FARS2: variants seen among roughly 807,000 people sequenced by gnomAD.
FARS2 encodes the protein phenylalanyl-tRNA synthetase 2, mitochondrial, also known as phenylalanine--tRNA ligase, mitochondrial.
In FARS2, 40 loss-of-function variants were observed where a neutral mutation model predicts 46.4. That is an observed-to-expected ratio of 0.86 (90% confidence interval 0.67 to 1.12). The LOEUF is 1.12. FARS2 is among the 50% of genes most tolerant of loss of function. The pLI is 0.00. For missense variants in FARS2, 513 were observed against 567.9 expected (o/e 0.90, Z 0.98); for synonymous variants, 234 against 214.9 (o/e 1.09, Z -0.78).
intron 1 of FARS2, among the ~76,000 whole-genome samples, chr6:5,333,638 G>A (rs910159523): frequency 2.0e-5 from 3 of 152,180 alleles, no homozygotes; most frequent in Admixed American, 6.5e-5. Flanking sequence ...AGGCAGGCAG[G>A]TGTCTTTCTG....
chr6:5,500,056 TG>T (rs1767699232), intron 4 of FARS2, among the ~76,000 whole-genome samples: 1 of 152,210 alleles, frequency 6.6e-6, no homozygotes, highest in Admixed American at 6.5e-5. Context: ...CCTTTCCAAA[TG>T]TGTTGTTTTA....
intron 4 of FARS2, among the ~76,000 whole-genome samples, chr6:5,475,097 A>G (rs1226013081): frequency 6.6e-6 from 1 of 152,200 alleles, no homozygotes; most frequent in Admixed American, 6.5e-5. Flanking sequence ...CACAAGAGGA[A>G]AACTAAATGA....
chr6:5,607,518 ATAGAT>A (rs1156589421), intron 5 of FARS2, among the ~76,000 whole-genome samples: 1 of 152,118 alleles, frequency 6.6e-6, no homozygotes, highest in African/African-American at 2.4e-5. Context: ...GTGAATATAA[ATAGAT>A]TAAAGTGACC....
In FARS2 at chr6:5,545,686, A is replaced by C. The variant is rs563902729; in HGVS notation, c.1065+346A>C. The stretch of plus-strand genomic sequence containing the variant: ...CATGTGTTCTCATTGTTCAACTCCA[A>C]CTTATGAGTGAGAACATGTGGTGTC... On this transcript the variant is annotated intron_variant, in intron 5 of 6. Transcript: ENST00000274680. Among the ~76,000 whole-genome samples, 7 of 152,062 alleles carry C rather than the reference A, an allele frequency of 4.6e-5. No homozygotes were observed. The South Asian group carries it at 1.5e-3, about 32-fold the overall frequency.
At chr6:5,657,104 A>T (rs903376143) in intron 6 of FARS2, among the ~76,000 whole-genome samples, 1 of 152,222 alleles carries the variant, frequency 6.6e-6, no homozygotes, top group African/African-American at 2.4e-5. Flanking sequence ...ATACATATGT[A>T]TCACAATATG....
At chr6:5,431,270 A>T in intron 4 of FARS2, 98 bp downstream of exon 4, 2 of 1,238,430 alleles carry the variant, frequency 1.6e-6, no homozygotes, top group Non-Finnish European at 2.3e-6. Flanking sequence ...ACATACTTCT[A>T]TGCGGGCAGC....
chr6:5,677,444 G>A (rs75815604), intron 6 of FARS2, among the ~76,000 whole-genome samples: 2,667 of 152,262 alleles, frequency 0.018, 68 homozygotes, highest in African/African-American at 0.058. Context: ...ATGAACCAGC[G>A]TAATCAAATT....
intron 6 of FARS2, among the ~76,000 whole-genome samples, chr6:5,629,062 G>T (rs901706844): frequency 1.6e-4 from 24 of 152,202 alleles, no homozygotes; most frequent in Non-Finnish European, 2.5e-4. Flanking sequence ...TAGAACGGCT[G>T]AAAATCAGCA....
At chr6:5,352,701 G>A (rs535459555) in intron 1 of FARS2, among the ~76,000 whole-genome samples, 3 of 151,902 alleles carry the variant, frequency 2.0e-5, no homozygotes, top group East Asian at 1.9e-4. Flanking sequence ...ATACTTGCTC[G>A]ACTAGCCTTG....
chr6:5,298,022 G>T (rs1184739425), intron 1 of FARS2, among the ~76,000 whole-genome samples: 1 of 152,246 alleles, frequency 6.6e-6, no homozygotes, highest in African/African-American at 2.4e-5. Flanking sequence ...TAAACACTGA[G>T]GACTTTGAAC....
At position 5,471,263 on chromosome 6, in the gene FARS2, G is replaced by A. The variant is rs1286094272; in HGVS notation, c.904+40091G>A. On this transcript the variant is annotated intron_variant, in intron 4 of 6. Coordinates refer to ENST00000274680, the MANE Select transcript of FARS2 (RefSeq NM_006567.5). This position sits in a 1 kb window ranked among gnomAD's most constrained non-coding sequence, Gnocchi z 4.1. ...TAAGTCTTGCCGAGGCCTTGTTAGTGATCCGGTGCTAAGCGCCTAAAATAA... is the reference window on the plus strand; with the variant it reads ...TAAGTCTTGCCGAGGCCTTGTTAGTAATCCGGTGCTAAGCGCCTAAAATAA... Among the ~76,000 whole-genome samples, 1 of 152,278 alleles carries A rather than the reference G, an allele frequency of 6.6e-6. No homozygotes were observed. Among genetic ancestry groups the A allele is most frequent in the East Asian group, 1.9e-4 (1 of 5,174 alleles).
intron 6 of FARS2, among the ~76,000 whole-genome samples, chr6:5,655,316 A>ATT (rs1010162980): frequency 1.3e-5 from 2 of 151,320 alleles, no homozygotes; most frequent in African/African-American, 4.9e-5. Context: ...AGCATGATTG[A>ATT]TTTTTTTTTC....
chr6:5,251,965 A>G, the FARS2 span, among the ~76,000 whole-genome samples: 3,222 of 152,296 alleles, frequency 0.021, 101 homozygotes, highest in African/African-American at 0.072. Flanking sequence ...CAAAAAGAAA[A>G]CAGATTCCTA....
chr6:5,742,272 C>T lies in FARS2; in HGVS notation c.1218-29019C>T, dbSNP rs561473974. Among the ~76,000 whole-genome samples, 119 of 152,302 alleles carry T rather than the reference C, an allele frequency of 7.8e-4. 2 individuals are homozygous for T. The highest frequency in any genetic ancestry group is 2.7e-3 in the African/African-American group (111 of 41,558). On this transcript the variant is annotated intron_variant, in intron 6 of 6. Transcript: ENST00000274680. ...ACCCTTCCACAACTTTGCTTTTAAT[C>T]GTCACGCTTAACTCCCATCTCTTAC... is the stretch of plus-strand genomic sequence containing the variant.
chr6:5,688,748 A>C lies in FARS2; in HGVS notation c.1217+75428A>C, dbSNP rs6624500. The stretch of plus-strand genomic sequence containing the variant: ...GTTAGGGAGGATTCCCCCTTTTTCT[A>C]TTGATTGGAATAGTTTCAACAGGAA... On this transcript the variant is annotated intron_variant, in intron 6 of 6. Coordinates refer to ENST00000274680, the MANE Select transcript of FARS2 (RefSeq NM_006567.5). Among the ~76,000 whole-genome samples the C allele has an allele frequency of 1.8e-4, 27 of 152,140 alleles. 1 individual carries two copies. The South Asian group carries it at 5.4e-3, about 30-fold the overall frequency.
chr6:5,661,715 AGATAGAGTGGGTT>A, intron 6 of FARS2, among the ~76,000 whole-genome samples: 1 of 152,200 alleles, frequency 6.6e-6, no homozygotes, highest in Non-Finnish European at 1.5e-5. Context: ...AAGCAAGATT[AGATAGAGTGGGTT>A]GAAAATGAAG....
chr6:5,391,000 C>T (rs561862263), intron 2 of FARS2, among the ~76,000 whole-genome samples: 4 of 152,278 alleles, frequency 2.6e-5, no homozygotes, highest in African/African-American at 9.6e-5. Context: ...TGTATTAGTC[C>T]TTGTTCAATA....
intron 4 of FARS2, among the ~76,000 whole-genome samples, chr6:5,543,110 G>T (rs918616837): frequency 6.6e-6 from 1 of 152,154 alleles, no homozygotes; most frequent in African/African-American, 2.4e-5. Flanking sequence ...TTATCAGCCT[G>T]TGATGTGCTG....
intron 1 of FARS2, among the ~76,000 whole-genome samples, chr6:5,360,213 G>T (rs985282266): frequency 2.0e-5 from 3 of 152,168 alleles, no homozygotes; most frequent in African/African-American, 7.2e-5. Flanking sequence ...TGGTTGAATG[G>T]TACTATGCAA....
Sources: allele counts gnomAD v4.1 joint callset (sites outside exome capture counted in the v4.1 genomes callset), GRCh38; gene constraint gnomAD v4.1.1; non-coding constraint Gnocchi (gnomAD v3.1); transcripts MANE v1.5; gene names NCBI Gene and HGNC (gene_info 2026-07-23, HGNC 2026-07-21).